The following PUDP variants were observed in gnomAD, a reference collection of about 807,000 sequenced individuals.
The protein encoded by PUDP is pseudouridine 5'-phosphatase.
Under a neutral mutation model 9.4 loss-of-function variants are expected in PUDP, and 8 were observed. That is an observed-to-expected ratio of 0.85 (90% CI 0.50 to 1.53). The LOEUF is 1.53. Among genes scored for constraint, PUDP ranks in the 40% most tolerant of loss-of-function variants. The pLI is 0.00. For missense variants in PUDP, 188 were observed against 189.7 expected, an observed-to-expected ratio of 0.99 and a Z score of 0.05; for synonymous variants, 99 against 80.7, an observed-to-expected ratio of 1.23 and a Z score of -1.22.
intron 1 of PUDP, among the ~76,000 whole-genome samples, chrX:7,003,412 G>T (rs953676883): frequency 9.0e-6 from 1 of 111,193 alleles, no homozygotes; most frequent in African/African-American, 3.3e-5. Context: ...GGTGGCCAAT[G>T]TATTGTGAGT....
chrX:6,926,957 T>C (rs1928113763), intron 3 of PUDP, among the ~76,000 whole-genome samples: 1 of 93,480 alleles, frequency 1.1e-5, no homozygotes, highest in Non-Finnish European at 2.1e-5. Flanking sequence ...AGACTGTGTC[T>C]CACTCTGTCC....
At chrX:7,081,142 A>ACTT (rs1931073008) in intron 2 of PUDP, among the ~76,000 whole-genome samples, 1 of 111,837 alleles carries the variant, frequency 8.9e-6, no homozygotes, top group African/African-American at 3.2e-5. Context: ...TATTAATTTT[A>ACTT]AAAACTTAAA....
intron 3 of PUDP, among the ~76,000 whole-genome samples, chrX:6,782,966 C>T (rs1925589114): frequency 9.0e-6 from 1 of 111,244 alleles, no homozygotes; most frequent in African/African-American, 3.3e-5. Context: ...TATTATCATA[C>T]TCCCACCCTC....
intron 1 of PUDP, among the ~76,000 whole-genome samples, chrX:7,128,665 C>T (rs747965025): frequency 3.6e-5 from 4 of 111,674 alleles, no homozygotes; most frequent in African/African-American, 6.5e-5. Context: ...CAGGGACATT[C>T]GGAACCTCCT....
intron 3 of PUDP, among the ~76,000 whole-genome samples, chrX:6,776,739 T>G (rs1412023501): frequency 8.9e-6 from 1 of 112,271 alleles, no homozygotes; most frequent in Non-Finnish European, 1.9e-5. Context: ...TCCCACATCC[T>G]GTACTATTAT....
At position 7,105,830 on chromosome X, in the gene PUDP, G is replaced by T. The variant is rs778192547; in HGVS notation, c.70C>A (p.Arg24=). ...DMDGLLLDTE[R]LYSVVFQEIC... ...TCTTGAAACACCACTGAATACAGCC[G>T]TTCAGTATCTGCAGGAAAAAAAAAA... The change falls in exon 2 of 4, where the codon CGG becomes AGG. Residue 24 remains arginine, a synonymous_variant. Coordinates refer to ENST00000381077, the MANE Select transcript of PUDP (RefSeq NM_012080.5). The T allele has an allele frequency of 2.5e-6, 3 of 1,176,605 alleles. No individual in the cohort carries two copies. The highest frequency in any genetic ancestry group is 3.4e-6 in the Non-Finnish European group (3 of 870,229).
intron 1 of PUDP, among the ~76,000 whole-genome samples, chrX:7,147,700 C>G (rs1932899275): frequency 8.9e-6 from 1 of 111,921 alleles, no homozygotes; most frequent in African/African-American, 3.2e-5. Flanking sequence ...CGCGGAGGTC[C>G]CGCCGCGCCT....
rs1830855953 is a variant in PUDP, at chrX:7,020,313, G to A, written c.205-41970C>T. ...ACTTGCCACTCAGGTGACCATGCTG[G>A]GTCTCCACTCAACTATTCAGGTTGG... On this transcript the variant is annotated intron_variant and NMD_transcript_variant, in intron 1 of 3. Coordinates refer to the PUDP transcript ENST00000655425. Among the ~76,000 whole-genome samples, 6 of 92,933 alleles carry A rather than the reference G, an allele frequency of 6.5e-5. No individual in the cohort carries two copies. In the South Asian group the frequency reaches 3.7e-3, roughly 58 times the overall value. 80.7% of individuals were successfully genotyped at this position (92,933 alleles called of 115,157 possible).
At chrX:7,068,518 T>A (rs765882569) in intron 3 of PUDP, among the ~76,000 whole-genome samples, 1 of 111,705 alleles carries the variant, frequency 9.0e-6, no homozygotes, top group Non-Finnish European at 1.9e-5. Flanking sequence ...TAGCAGCTGC[T>A]ACCTACAGCC....
intron 3 of PUDP, among the ~76,000 whole-genome samples, chrX:6,758,779 G>A (rs775816056): frequency 9.0e-6 from 1 of 111,227 alleles, no homozygotes; most frequent in Admixed American, 9.6e-5. Context: ...CACTACAGTC[G>A]CTCTGTGCGA....
chrX:7,019,605 A>T (rs1323386461), intron 1 of PUDP, among the ~76,000 whole-genome samples: 1 of 111,619 alleles, frequency 9.0e-6, no homozygotes, highest in Non-Finnish European at 1.9e-5. Flanking sequence ...AGGAGGTTTC[A>T]TCTATATGAC....
intron 3 of PUDP, among the ~76,000 whole-genome samples, chrX:6,932,897 G>A (rs966735319): frequency 1.2e-4 from 13 of 110,599 alleles, no homozygotes; most frequent in African/African-American, 4.3e-4. Flanking sequence ...CAAACTGCAA[G>A]GCGGCAACGA....
At chrX:6,762,819 A>G (rs985759830) in intron 3 of PUDP, among the ~76,000 whole-genome samples, 3 of 112,120 alleles carry the variant, frequency 2.7e-5, no homozygotes, top group Non-Finnish European at 5.6e-5. Context: ...GGAGAGAAAA[A>G]CATTTTAATG....
chrX:6,978,038 G>GTACATGGCA (rs1212602010), intron 2 of PUDP, among the ~76,000 whole-genome samples: 1 of 112,297 alleles, frequency 8.9e-6, no homozygotes, highest in East Asian at 2.8e-4. Context: ...TCATAAAGTG[G>GTACATGGCA]TACATGGCAC....
At chrX:7,135,481 T>C (rs181091632) in intron 1 of PUDP, among the ~76,000 whole-genome samples, 2 of 112,292 alleles carry the variant, frequency 1.8e-5, no homozygotes, top group African/African-American at 6.5e-5. Flanking sequence ...GACGAGGAAC[T>C]GAAAAATGAG....
intron 3 of PUDP, among the ~76,000 whole-genome samples, chrX:6,753,375 A>AT (rs1925130096): frequency 8.9e-6 from 1 of 112,413 alleles, no homozygotes; most frequent in Admixed American, 9.4e-5. Context: ...TCGTTGAGTG[A>AT]TGGGCATTTG....
intron 1 of PUDP, among the ~76,000 whole-genome samples, chrX:7,029,714 G>A (rs1225073673): frequency 1.8e-5 from 2 of 111,930 alleles, no homozygotes; most frequent in Admixed American, 1.9e-4. Context: ...GGGATAACCT[G>A]TTCATTGCCA....
At chrX:6,745,339 T>C (rs746076049) in intron 3 of PUDP, among the ~76,000 whole-genome samples, 4 of 112,457 alleles carry the variant, frequency 3.6e-5, no homozygotes, top group Admixed American at 9.5e-5. Flanking sequence ...CATGCAGGAA[T>C]CTATGATTCC....
intron 3 of PUDP, among the ~76,000 whole-genome samples, chrX:6,867,969 C>T (rs1365803574): frequency 9.0e-6 from 1 of 111,495 alleles, no homozygotes; most frequent in African/African-American, 3.3e-5. Context: ...GGATACCTAA[C>T]CCAATCTCAT....
Sources: gnomAD v4.1 joint callset for allele counts (sites outside exome capture counted in the v4.1 genomes callset) on GRCh38, gnomAD v4.1.1 for gene constraint, MANE v1.5 for transcripts, NCBI Gene and HGNC (gene_info 2026-07-23, HGNC 2026-07-21) for gene names.